The following TCF12 variants were observed in gnomAD, a reference collection of about 807,000 sequenced individuals.
TCF12 encodes the protein transcription factor 12.
In TCF12, 45 loss-of-function variants were observed where a neutral mutation model predicts 86.0. The observed-to-expected ratio is 0.52, with a 90% CI of 0.41 to 0.67. TCF12 has a LOEUF of 0.67. Ranked by LOEUF, TCF12 falls within the 30% of genes least tolerant of loss-of-function variation. The pLI is 0.00. For synonymous variants in TCF12, 330 were observed against 299.6 expected (o/e 1.10, Z -1.05); for missense variants, 881 against 859.9 (o/e 1.02, Z -0.31).
intron 3 of TCF12, among the ~76,000 whole-genome samples, chr15:56,964,646 A>T (rs1318355622): frequency 5.9e-5 from 9 of 152,228 alleles, no homozygotes; most frequent in African/African-American, 2.2e-4. Flanking sequence ...TATGTATTAA[A>T]TCATTTGGAG....
chr15:57,076,557 G>A (rs535656004), intron 4 of TCF12, among the ~76,000 whole-genome samples: 1 of 151,680 alleles, frequency 6.6e-6, no homozygotes, highest in African/African-American at 2.4e-5. Flanking sequence ...GGAGGCTGAG[G>A]CAGGAGAATA....
At chr15:57,112,595 T>C (rs2050569811) in intron 5 of TCF12, among the ~76,000 whole-genome samples, 1 of 151,602 alleles carries the variant, frequency 6.6e-6, no homozygotes, top group African/African-American at 2.4e-5. Flanking sequence ...CCTGGATTTT[T>C]TGTGGAAAAA....
intron 2 of TCF12, 105 bp from the exon 3 acceptor site, chr15:56,920,921 T>A: frequency 5.2e-6 from 4 of 771,060 alleles, no homozygotes; most frequent in Non-Finnish European, 7.7e-6. Flanking sequence ...TATTTTAACT[T>A]CCCTCTGAAA....
chr15:57,245,092 A>C (rs1164648567), intron 13 of TCF12, among the ~76,000 whole-genome samples: 1 of 152,256 alleles, frequency 6.6e-6, no homozygotes, highest in Non-Finnish European at 1.5e-5. Flanking sequence ...CTGTTTTCCT[A>C]ATCAAGCCAT....
intron 3 of TCF12, among the ~76,000 whole-genome samples, chr15:56,926,376 TCTC>T (rs2060016451): frequency 6.6e-6 from 1 of 151,932 alleles, no homozygotes; most frequent in African/African-American, 2.4e-5. Flanking sequence ...GAGGTAAACT[TCTC>T]TAACATAGAA....
intron 3 of TCF12, among the ~76,000 whole-genome samples, chr15:57,015,999 C>G (rs2065131411): frequency 6.6e-6 from 1 of 152,116 alleles, no homozygotes; most frequent in Non-Finnish European, 1.5e-5. Flanking sequence ...TCATATAGTT[C>G]TCATATGATT....
At chr15:57,275,323 T>TGGGGGGG (rs1239408414) in intron 19 of TCF12, among the ~76,000 whole-genome samples, 1 of 136,442 alleles carries the variant, frequency 7.3e-6, no homozygotes, top group African/African-American at 2.7e-5. Context: ...CTTTGTAAGG[T>TGGGGGGG]AGGGGTGTGT....
At chr15:57,133,735 A>C (rs1190972596) in intron 5 of TCF12, among the ~76,000 whole-genome samples, 1 of 152,108 alleles carries the variant, frequency 6.6e-6, no homozygotes, top group African/African-American at 2.4e-5. Context: ...TGGGATATGA[A>C]GGAGTTTGTT....
At chr15:57,253,519 A>G in intron 16 of TCF12, 51 bp downstream of exon 16, 1 of 1,584,990 alleles carries the variant, frequency 6.3e-7, no homozygotes, top group Non-Finnish European at 8.6e-7. Context: ...TTCTTGTCCT[A>G]AATGTCTTTA....
At chr15:57,035,964 G>A (rs954419399) in intron 3 of TCF12, among the ~76,000 whole-genome samples, 2 of 152,152 alleles carry the variant, frequency 1.3e-5, no homozygotes, top group African/African-American at 4.8e-5. Flanking sequence ...ACGTGTGGGG[G>A]GATCTAGATT....
chr15:57,213,678 GA>G (rs199849599), intron 8 of TCF12, among the ~76,000 whole-genome samples: 1 of 150,968 alleles, frequency 6.6e-6, no homozygotes, highest in African/African-American at 2.4e-5. Context: ...CAGTTCAGAA[GA>G]AAAAAAAATC....
At chr15:56,969,778 G>A (rs1479184828) in intron 3 of TCF12, among the ~76,000 whole-genome samples, 2 of 152,020 alleles carry the variant, frequency 1.3e-5, no homozygotes, top group African/African-American at 2.4e-5. Context: ...TATCAATTTG[G>A]GAGTCATCTG....
At chr15:57,076,158 G>T (rs2070016357) in intron 4 of TCF12, among the ~76,000 whole-genome samples, 1 of 151,822 alleles carries the variant, frequency 6.6e-6, no homozygotes, top group South Asian at 2.1e-4. Flanking sequence ...GTTCGGATGG[G>T]CATCAGATTT....
rs71113066 is a variant in TCF12, at chr15:57,123,968, C to CAAAAAAAAAAAAAAAAAAAAA, written c.325+32091_325+32092insAAAAAAAAAAAAAAAAAAAAA. Among the ~76,000 whole-genome samples, 133 of 80,942 alleles carry CAAAAAAAAAAAAAAAAAAAAA rather than the reference C, an allele frequency of 1.6e-3. 2 individuals carry two copies. Among genetic ancestry groups the CAAAAAAAAAAAAAAAAAAAAA allele is most frequent in the Admixed American group, 4.0e-3 (24 of 5,970 alleles). The allele number at this position is 80,942 out of a possible 152,430, so 53.1% of individuals were successfully genotyped here. On this transcript the variant is annotated intron_variant, in intron 5 of 20. Transcript: ENST00000333725. Reference sequence around the variant, plus strand: ...TGGGCGACAGAGTGAGACTCCGTCTCAAAAAAAAAAAAAATTTTTTTTTTT... The same window carrying CAAAAAAAAAAAAAAAAAAAAA: ...TGGGCGACAGAGTGAGACTCCGTCTCAAAAAAAAAAAAAAAAAAAAAAAAAAAAAAAAAAATTTTTTTTTTT...
intron 19 of TCF12, among the ~76,000 whole-genome samples, chr15:57,280,690 T>A (rs1390899110): frequency 6.6e-6 from 1 of 151,978 alleles, no homozygotes; most frequent in East Asian, 1.9e-4. Flanking sequence ...GGCAACGTAG[T>A]GAGACCCCAT....
intron 4 of TCF12, among the ~76,000 whole-genome samples, chr15:57,085,772 A>G (rs1161695866): frequency 1.3e-5 from 2 of 152,194 alleles, no homozygotes; most frequent in Non-Finnish European, 2.9e-5. Context: ...TTTGAAGCAT[A>G]AACACTTATT....
At chr15:57,052,071 A>C (rs1429639508) in intron 3 of TCF12, among the ~76,000 whole-genome samples, 5 of 152,222 alleles carry the variant, frequency 3.3e-5, no homozygotes, top group African/African-American at 4.8e-5. Flanking sequence ...GAAATCAGAA[A>C]GGTTTAGACG....
rs1323996054 is a variant in TCF12 at position 57,062,358 on chromosome 15, G to A, written c.149-1392G>A. Among the ~76,000 whole-genome samples, 12 of 152,058 alleles carry A rather than the reference G, an allele frequency of 7.9e-5. No homozygotes were observed. The East Asian group carries it at 1.5e-3, about 20-fold the overall frequency. ...CAGGAATGAACAAAACACTGTTCAC[G>A]TAATCTCTGTGTTTTCAAAGCCTCT... On this transcript the variant is annotated intron_variant, in intron 3 of 20. Coordinates refer to ENST00000333725, the MANE Select transcript of TCF12 (RefSeq NM_207037.2).
intron 6 of TCF12, among the ~76,000 whole-genome samples, chr15:57,185,694 G>A (rs2151671990): frequency 6.6e-6 from 1 of 152,146 alleles, no homozygotes; most frequent in African/African-American, 2.4e-5. Context: ...ACCAACTGGG[G>A]CAACATAGTG....
Sources: allele counts gnomAD v4.1 joint callset (sites outside exome capture counted in the v4.1 genomes callset), GRCh38; gene constraint gnomAD v4.1.1; transcripts MANE v1.5; gene names NCBI Gene and HGNC (gene_info 2026-07-23, HGNC 2026-07-21).